The following ITPR1 variants were observed in gnomAD, a reference collection of about 807,000 sequenced individuals.
ITPR1 encodes inositol 1,4,5-trisphosphate receptor type 1.
In ITPR1, 96 loss-of-function variants were observed where a neutral mutation model predicts 318.4. That is an observed-to-expected ratio of 0.30 (90% confidence interval 0.26 to 0.36). The LOEUF (loss-of-function observed/expected upper bound fraction) is 0.36, where lower values mean the gene tolerates loss of function less well. Among genes scored for constraint, ITPR1 ranks in the 10% least tolerant of loss-of-function variants. The probability of loss-of-function intolerance (pLI) is 1.00; values close to 1 mark genes in which losing one functional copy is unlikely to be tolerated. For missense variants in ITPR1, 2,440 were observed against 3,460.2 expected (o/e 0.71, Z 7.40); for synonymous variants, 1,312 against 1,289.9 (o/e 1.02, Z -0.37).
In ITPR1 at chr3:4,806,219, G is replaced by C. The variant is rs2048543249; in HGVS notation, c.7224G>C (p.Val2408=). The change falls in exon 55 of 62, where the codon GTG becomes GTC. Residue 2408 remains valine, a synonymous_variant. Transcript: ENST00000649015. ...VEFLYHLLYL[V]ICAMGLFVHE... is the part of the protein sequence containing the mutation. ...TCCTCTATCATTTGTTGTATCTGGTGATCTGTGCCATGGGGCTCTTTGTCC... is the reference window on the plus strand; with the variant it reads ...TCCTCTATCATTTGTTGTATCTGGTCATCTGTGCCATGGGGCTCTTTGTCC... The C allele has an allele frequency of 6.2e-7, 1 of 1,613,908 alleles. No individual in the cohort carries two copies. Among genetic ancestry groups the C allele is most frequent in the Non-Finnish European group, 8.5e-7 (1 of 1,179,888 alleles).
intron 44 of ITPR1, among the ~76,000 whole-genome samples, chr3:4,764,940 G>A (rs2045708257): frequency 8.7e-6 from 1 of 114,708 alleles, no homozygotes; most frequent in South Asian, 3.2e-4. Flanking sequence ...AATAAGTAGT[G>A]GGTGGCTGGA....
intron 4 of ITPR1, among the ~76,000 whole-genome samples, chr3:4,558,980 C>T (rs371236011): frequency 6.6e-6 from 1 of 151,970 alleles, no homozygotes; most frequent in Admixed American, 6.6e-5. Context: ...TCCTTATTAC[C>T]ATATTGAATT....
rs6801737 is a variant in ITPR1, at chr3:4,661,973, T to A, written c.1252-109T>A. 132,412 of 866,488 alleles carry A rather than the reference T, an allele frequency of 0.15. 11,887 individuals carry two copies. The highest frequency in any genetic ancestry group is 0.28 in the South Asian group (13,059 of 46,424). 53.7% of individuals were successfully genotyped at this position (866,488 alleles called of 1,614,324 possible). On this transcript the variant is annotated intron_variant, in intron 14 of 61. Transcript: ENST00000649015. Reference sequence around the variant, plus strand: ...TTCCTATATCATTTTAACTGCAAGATAGCTCTAGTATCTTGGGATCAGCCA... The same window carrying A: ...TTCCTATATCATTTTAACTGCAAGAAAGCTCTAGTATCTTGGGATCAGCCA...
intron 56 of ITPR1, among the ~76,000 whole-genome samples, chr3:4,811,753 G>T (rs1668874666): frequency 6.6e-6 from 1 of 152,186 alleles, no homozygotes; most frequent in East Asian, 1.9e-4. Context: ...GAGAGCGTTG[G>T]AGTATGCATC....
chr3:4,626,864 A>G (rs34427272), intron 4 of ITPR1, among the ~76,000 whole-genome samples: 23,962 of 152,056 alleles, frequency 0.16, 3,792 homozygotes, highest in African/African-American at 0.41. Flanking sequence ...TGCCGCCCAA[A>G]CTGGAGTGCG....
chr3:4,824,488 T>C (rs1341266520), intron 60 of ITPR1, among the ~76,000 whole-genome samples: 1 of 152,144 alleles, frequency 6.6e-6, no homozygotes, highest in Non-Finnish European at 1.5e-5. Flanking sequence ...CATATCCGCA[T>C]GTGGTTACCT....
chr3:4,798,266 C>T (rs189340477), intron 53 of ITPR1, among the ~76,000 whole-genome samples: 11 of 152,310 alleles, frequency 7.2e-5, no homozygotes, highest in Admixed American at 2.6e-4. Flanking sequence ...AATAAAAAAA[C>T]TATTCAATTA....
intron 32 of ITPR1, among the ~76,000 whole-genome samples, chr3:4,693,151 T>G (rs1428432604): frequency 6.6e-6 from 1 of 152,114 alleles, no homozygotes; most frequent in Non-Finnish European, 1.5e-5. Flanking sequence ...ATGGAAACAT[T>G]TAAAAAGAAA....
At chr3:4,760,530 G>A (rs1201189716) in intron 44 of ITPR1, among the ~76,000 whole-genome samples, 1 of 152,178 alleles carries the variant, frequency 6.6e-6, no homozygotes, top group Non-Finnish European at 1.5e-5. Flanking sequence ...CCAGTTTTCT[G>A]TGGCTGCTGT....
intron 60 of ITPR1, among the ~76,000 whole-genome samples, chr3:4,833,100 G>A (rs1373822475): frequency 6.6e-6 from 1 of 152,200 alleles, no homozygotes; most frequent in African/African-American, 2.4e-5. Context: ...TCAACCCCAT[G>A]CAGGACACAG....
intron 40 of ITPR1, among the ~76,000 whole-genome samples, chr3:4,723,974 A>G (rs142578001): frequency 1.8e-4 from 27 of 152,386 alleles, no homozygotes; most frequent in African/African-American, 6.5e-4. Flanking sequence ...TTTAGCATAC[A>G]GAATGTAAGG....
intron 4 of ITPR1, among the ~76,000 whole-genome samples, chr3:4,547,304 A>G (rs1256143508): frequency 1.8e-4 from 27 of 152,244 alleles, no homozygotes. Context: ...AATAAATAAC[A>G]TATGTATTTA....
rs796703122 is a variant in ITPR1 at position 4,587,567 on chromosome 3, G to A, written c.164-40196G>A. ...ATTACAGGCATGAGCCACCCTGCCC[G>A]GCCCACACTTCTCATTTTGAGTAGC... is the stretch of plus-strand genomic sequence containing the variant. On this transcript the variant is annotated intron_variant, in intron 4 of 61. Coordinates refer to ENST00000649015, the MANE Select transcript of ITPR1 (RefSeq NM_001378452.1). Among the ~76,000 whole-genome samples, 4 of 152,206 alleles carry A rather than the reference G, an allele frequency of 2.6e-5. No individual in the cohort carries two copies. The South Asian group carries it at 8.3e-4, about 32-fold the overall frequency.
intron 3 of ITPR1, among the ~76,000 whole-genome samples, chr3:4,519,785 C>T (rs905350516): frequency 2.0e-5 from 3 of 152,124 alleles, no homozygotes; most frequent in Admixed American, 1.3e-4. Flanking sequence ...TTGATTTACC[C>T]ACCAAATAGA....
chr3:4,551,300 G>A (rs1221985045), intron 4 of ITPR1, among the ~76,000 whole-genome samples: 6 of 152,228 alleles, frequency 3.9e-5, no homozygotes, highest in Admixed American at 3.3e-4. Context: ...TAGAATCATA[G>A]CAGTATCACC....
intron 44 of ITPR1, among the ~76,000 whole-genome samples, chr3:4,762,204 A>T (rs139732752): frequency 6.6e-6 from 1 of 152,134 alleles, no homozygotes; most frequent in Non-Finnish European, 1.5e-5. Context: ...AAGTCTCACT[A>T]TGTTGCCCAG....
chr3:4,629,152 A>C (rs1458626639), intron 5 of ITPR1, among the ~76,000 whole-genome samples: 5 of 152,104 alleles, frequency 3.3e-5, no homozygotes, highest in Admixed American at 3.3e-4. Context: ...TGCTGCCCCC[A>C]CAGAGGCTTC....
At chr3:4,494,720 G>A (rs965186437) in intron 2 of ITPR1, among the ~76,000 whole-genome samples, 3 of 152,212 alleles carry the variant, frequency 2.0e-5, no homozygotes, top group African/African-American at 7.2e-5. Flanking sequence ...AGAATTGAAG[G>A]AGCCTGAAAG....
chr3:4,767,230 C>CCA (rs1466138524), intron 45 of ITPR1, among the ~76,000 whole-genome samples: 3 of 152,214 alleles, frequency 2.0e-5, no homozygotes, highest in Non-Finnish European at 4.4e-5. Flanking sequence ...GGTTTCTCAA[C>CCA]CACAGTACAA....
Sources: allele counts gnomAD v4.1 joint callset (sites outside exome capture counted in the v4.1 genomes callset), GRCh38; gene constraint gnomAD v4.1.1; transcripts MANE v1.5; gene names NCBI Gene and HGNC (gene_info 2026-07-23, HGNC 2026-07-21).